Variants in ARCN1 observed in about 807,000 individuals in gnomAD.
The protein encoded by ARCN1 is coatomer subunit delta.
A neutral mutation model predicts 60.4 loss-of-function variants in ARCN1; 5 were observed. The observed-to-expected ratio is 0.08, with a 90% confidence interval of 0.04 to 0.17. The LOEUF (loss-of-function observed/expected upper bound fraction) is 0.17, where lower values mean the gene tolerates loss of function less well. Ranked by LOEUF, ARCN1 falls within the 10% of genes least tolerant of loss-of-function variation. The pLI is 1.00. For synonymous variants in ARCN1, 224 were observed against 220.0 expected, an observed-to-expected ratio of 1.02 and a Z score of -0.16; for missense variants, 464 against 626.5, an observed-to-expected ratio of 0.74 and a Z score of 2.77.
At chr11:118,588,944 G>A (rs1938834936) in intron 5 of ARCN1, among the ~76,000 whole-genome samples, 1 of 150,608 alleles carries the variant, frequency 6.6e-6, no homozygotes. Context: ...CTTGAACCCG[G>A]GAGGCAGAGG....
intron 5 of ARCN1, among the ~76,000 whole-genome samples, chr11:118,588,786 G>A (rs534346139): frequency 6.6e-6 from 1 of 152,180 alleles, no homozygotes; most frequent in South Asian, 2.1e-4. Flanking sequence ...GGGAGGCCGA[G>A]GCAGGCAGAT....
At chr11:118,581,925 G>GACACACACACACAC (rs1361432735) in intron 2 of ARCN1, among the ~76,000 whole-genome samples, 204 of 121,072 alleles carry the variant, frequency 1.7e-3, no homozygotes, top group Middle Eastern at 4.0e-3. Context: ...TCCAGAGACA[G>GACACACACACACAC]ACAGACAGAC....
At position 118,573,749 on chromosome 11, in the gene ARCN1, A is replaced by G. The variant is rs138557419; in HGVS notation, c.3+1199A>G. On this transcript the variant is annotated intron_variant, in intron 1 of 9. Transcript: ENST00000264028. ...GATAATGGGGGGAATTCATGCTTGG[A>G]CTTTAGGCCACTGAACAGCTTTTCT... is the stretch of plus-strand genomic sequence containing the variant. The G allele has an allele frequency of 1.2e-3, 773 of 668,908 alleles. 2 individuals are homozygous for G. The highest frequency in any genetic ancestry group is 1.8e-3 in the Non-Finnish European group (640 of 364,648). The allele number at this position is 668,908 out of a possible 1,614,324, so 41.4% of individuals were successfully genotyped here.
In ARCN1 at chr11:118,581,269, C is replaced by T; in HGVS notation, c.27C>T (p.Cys9=). 6.2e-7 allele frequency: 1 copy of T among 1,614,206 alleles called. No individual in the cohort carries two copies. Among genetic ancestry groups the T allele is most frequent in the Non-Finnish European group, 8.5e-7 (1 of 1,180,028 alleles). Residue 9 remains cysteine, a synonymous_variant, in exon 2 of 10, where the codon TGC becomes TGT. Coordinates refer to ENST00000264028, the MANE Select transcript of ARCN1 (RefSeq NM_001655.5). MVLLAAAV[C]TKAGKAIVSR... ...AGGTGCTGTTGGCAGCAGCGGTCTG[C>T]ACAAAAGCAGGAAAGGCTATTGTTT...
chr11:118,572,622 G>GC, intron 1 of ARCN1, 72 bp downstream of exon 1: 1 of 1,565,736 alleles, frequency 6.4e-7, no homozygotes, highest in Admixed American at 1.9e-5. Flanking sequence ...CGGGCCTGGG[G>GC]CAGGGGCCGG....
intron 5 of ARCN1, among the ~76,000 whole-genome samples, chr11:118,590,092 T>A (rs955180491): frequency 1.3e-5 from 2 of 152,106 alleles, no homozygotes; most frequent in African/African-American, 2.4e-5. Context: ...TGCCTCGTGG[T>A]TCAAGCGATT....
chr11:118,597,736 A>C lies in ARCN1; in HGVS notation c.1271A>C (p.Glu424Ala). ...PSGVGAPVIGEIDGEYRHDSR... is the reference protein window; with the variant it reads ...PSGVGAPVIGAIDGEYRHDSR... ...GGTGTCGGCGCGCCTGTTATCGGTG[A>C]GATCGATGGGGAGTATCGACATGAC... Residue 424 changes from glutamate to alanine, a missense_variant, in exon 9 of 10, where the codon GAG (glutamate) becomes GCG (alanine). Around this residue, in one of 2 missense-constraint regions of ARCN1, gnomAD observed 359 missense variants for 440.2 expected, o/e 0.82. Coordinates refer to ENST00000264028, the MANE Select transcript of ARCN1 (RefSeq NM_001655.5). 1.2e-6 allele frequency: 2 copies of C among 1,614,216 alleles called. No individual in the cohort carries two copies. The highest frequency in any genetic ancestry group is 2.2e-5 in the East Asian group (1 of 44,888).
chr11:118,596,124 A>T (rs1336998829), intron 8 of ARCN1, among the ~76,000 whole-genome samples: 1 of 152,126 alleles, frequency 6.6e-6, no homozygotes, highest in Admixed American at 6.5e-5. Flanking sequence ...TGATAATTCA[A>T]GCCTTTACAT....
intron 6 of ARCN1, among the ~76,000 whole-genome samples, chr11:118,591,920 A>ATTTATTT (rs1938921153): frequency 6.6e-6 from 1 of 150,456 alleles, no homozygotes; most frequent in African/African-American, 2.5e-5. Flanking sequence ...TTATTTATTT[A>ATTTATTT]TTTATTTTTT....
chr11:118,594,776 C>T (rs1555076880), intron 8 of ARCN1, among the ~76,000 whole-genome samples: 1 of 151,926 alleles, frequency 6.6e-6, no homozygotes, highest in Non-Finnish European at 1.5e-5. Context: ...TCTCAAACTC[C>T]TGACCTTAGA....
intron 1 of ARCN1, among the ~76,000 whole-genome samples, chr11:118,579,804 C>G (rs1302112306): frequency 6.6e-6 from 1 of 151,014 alleles, no homozygotes; most frequent in Non-Finnish European, 1.5e-5. Context: ...TACTTTTTTC[C>G]ATTTTCATAT....
chr11:118,578,873 TC>T (rs1555074160), intron 1 of ARCN1, among the ~76,000 whole-genome samples: 8 of 65,542 alleles, frequency 1.2e-4, no homozygotes, highest in Non-Finnish European at 1.2e-4. Flanking sequence ...ACCCCGTCTC[TC>T]TTTTTTTTTT....
chr11:118,580,091 G>A (rs1555074344), intron 1 of ARCN1, among the ~76,000 whole-genome samples: 1 of 152,192 alleles, frequency 6.6e-6, no homozygotes, highest in Non-Finnish European at 1.5e-5. Flanking sequence ...GGGAGGCCAA[G>A]GTGGGCTGAT....
intron 1 of ARCN1, 145 bp from the exon 2 acceptor site, chr11:118,581,101 C>G (rs1383269048): frequency 9.3e-7 from 1 of 1,069,892 alleles, no homozygotes. Flanking sequence ...GCATGGGTGA[C>G]AGAGTGAGAC....
intron 8 of ARCN1, among the ~76,000 whole-genome samples, chr11:118,594,933 TC>T (rs1301007519): frequency 6.6e-6 from 1 of 152,190 alleles, no homozygotes; most frequent in Non-Finnish European, 1.5e-5. Flanking sequence ...TACTGCAACC[TC>T]CACCTCCCAG....
chr11:118,584,049 G>A, intron 4 of ARCN1, 35 bp downstream of exon 4: 2 of 1,576,522 alleles, frequency 1.3e-6, no homozygotes, highest in Non-Finnish European at 1.7e-6. Context: ...ACCAGGTGAA[G>A]GGTGTATATG....
intron 6 of ARCN1, among the ~76,000 whole-genome samples, chr11:118,591,739 T>G (rs1408940531): frequency 2.0e-5 from 2 of 99,358 alleles, no homozygotes; most frequent in Non-Finnish European, 4.1e-5. Flanking sequence ...CTTTTTTTTG[T>G]TTTTTTTTTT....
At position 118,583,814 on chromosome 11, in the gene ARCN1, A is replaced by G. The variant is rs1938713945; in HGVS notation, c.453A>G (p.Gln151=). The part of the protein sequence containing the change: ...EKVFRAVRET[Q]EREAKAEMRR... ...ATGTATGTCTTTTTCTGTAGACTCAAGAACGTGAAGCTAAGGCTGAGATGC... is the reference window on the plus strand; with the variant it reads ...ATGTATGTCTTTTTCTGTAGACTCAGGAACGTGAAGCTAAGGCTGAGATGC... Residue 151 remains glutamine, a synonymous_variant, in exon 4 of 10, where the codon CAA becomes CAG. Coordinates refer to ENST00000264028, the MANE Select transcript of ARCN1 (RefSeq NM_001655.5). The G allele has an allele frequency of 6.2e-7, 1 of 1,613,956 alleles. No individual in the cohort carries two copies. Among genetic ancestry groups the G allele is most frequent in the South Asian group, 1.1e-5 (1 of 91,036 alleles).
At chr11:118,572,738 C>A in intron 1 of ARCN1, 188 bp downstream of exon 1, 1 of 578,102 alleles carries the variant, frequency 1.7e-6, no homozygotes. Flanking sequence ...GAGCTGACTC[C>A]AGTCCATCTG....
Sources: gnomAD v4.1 joint callset for allele counts (sites outside exome capture counted in the v4.1 genomes callset) on GRCh38, gnomAD v4.1.1 for gene constraint, gnomAD v4.1.1 regional missense constraint, MANE v1.5 for transcripts, NCBI Gene and HGNC (gene_info 2026-07-23, HGNC 2026-07-21) for gene names.